Variants in MASP2 observed in about 807,000 individuals in gnomAD.
The protein encoded by MASP2 is MBL associated serine protease 2, also known as mannan-binding lectin serine protease 2.
MASP2 carries 49 observed loss-of-function variants against 57.1 expected under a neutral mutation model. The ratio of observed to expected loss-of-function variants is 0.86; its 90% confidence interval spans 0.68 to 1.09. MASP2 has a LOEUF of 1.09. Among genes scored for constraint, MASP2 ranks in the 50% least tolerant of loss-of-function variants. MASP2 has a pLI of 0.00. For synonymous variants in MASP2, 379 were observed against 340.8 expected (o/e 1.11, Z -1.24); for missense variants, 900 against 874.8 (o/e 1.03, Z -0.36).
chr1:11,046,461 G>T, intron 3 of MASP2, 95 bp downstream of exon 3: 1 of 1,413,458 alleles, frequency 7.1e-7, no homozygotes, highest in Non-Finnish European at 9.9e-7. Flanking sequence ...TGGGAAAGGT[G>T]GGGAAACTGA....
chr1:11,028,818 A>G (rs1366763989), intron 10 of MASP2, among the ~76,000 whole-genome samples: 2 of 148,220 alleles, frequency 1.3e-5, no homozygotes, highest in Non-Finnish European at 3.0e-5. Context: ...GGTTCATGCC[A>G]TTCTCCTGCC....
At chr1:11,034,279 A>G (rs1643873026) in intron 8 of MASP2, among the ~76,000 whole-genome samples, 1 of 149,114 alleles carries the variant, frequency 6.7e-6, no homozygotes, top group South Asian at 2.1e-4. Context: ...CAAAGAACAT[A>G]TTTTTCTAAA....
intron 10 of MASP2, among the ~76,000 whole-genome samples, chr1:11,029,139 C>G (rs1643796247): frequency 6.7e-6 from 1 of 148,330 alleles, no homozygotes; most frequent in Admixed American, 6.8e-5. Context: ...ACTACAGGCG[C>G]CTGCCACCAC....
intron 7 of MASP2, among the ~76,000 whole-genome samples, chr1:11,035,894 C>CA (rs61214689): frequency 2.8e-4 from 27 of 96,194 alleles, no homozygotes; most frequent in Non-Finnish European, 3.6e-4. Flanking sequence ...AGACCCTGTC[C>CA]AAAAAAAAAA....
At chr1:11,044,224 A>G (rs2100903628) in intron 4 of MASP2, among the ~76,000 whole-genome samples, 1 of 152,218 alleles carries the variant, frequency 6.6e-6, no homozygotes. Flanking sequence ...TCAAGGCAAC[A>G]GTGATCATGA....
At chr1:11,028,535 A>T (rs1355017891) in intron 10 of MASP2, among the ~76,000 whole-genome samples, 1 of 152,074 alleles carries the variant, frequency 6.6e-6, no homozygotes, top group African/African-American at 2.4e-5. Context: ...TTGTATCTTT[A>T]TTGCAAATTA....
In MASP2 at chr1:11,027,087, C is replaced by A; in HGVS notation, c.1859G>T (p.Gly620Val). 6.2e-7 allele frequency: 1 copy of A among 1,600,392 alleles called. No individual in the cohort carries two copies. Among genetic ancestry groups the A allele is most frequent in the Admixed American group, 1.7e-5 (1 of 58,766 alleles). ...GCTGTCCTTGCCCCCACTTTCTAAG[C>A]CAGCACAAAGCATGTTAGCAGTTAC... The part of the protein sequence containing the change: ...GSVTANMLCA[G>V]LESGGKDSCR... The change falls in exon 11 of 11, where the codon GGC becomes GTC. Residue 620 changes from glycine (G) to valine (V), a missense_variant. Gly to Val is a moderately radical substitution (Grantham distance 109, BLOSUM62 -3). Coordinates refer to ENST00000400897, the MANE Select transcript of MASP2 (RefSeq NM_006610.4).
intron 10 of MASP2, chr1:11,029,651 T>TG (rs1643808364): frequency 6.9e-6 from 1 of 143,928 alleles, no homozygotes; most frequent in Admixed American, 7.1e-5. Flanking sequence ...TTTTTTTTTT[T>TG]TTTTTTGGAT....
intron 7 of MASP2, among the ~76,000 whole-genome samples, chr1:11,035,712 T>C (rs1218468440): frequency 6.6e-6 from 1 of 151,164 alleles, no homozygotes; most frequent in Non-Finnish European, 1.5e-5. Context: ...CTGGGCAACA[T>C]AGTGAGACCC....
At chr1:11,032,605 C>T (rs948578489) in intron 8 of MASP2, among the ~76,000 whole-genome samples, 12 of 140,300 alleles carry the variant, frequency 8.6e-5, no homozygotes, top group Non-Finnish European at 1.4e-4. Context: ...AATGAGACCC[C>T]GTCAAAAAAA....
intron 7 of MASP2, among the ~76,000 whole-genome samples, chr1:11,036,057 C>CATCA (rs1643883938): frequency 6.6e-6 from 1 of 152,162 alleles, no homozygotes; most frequent in South Asian, 2.1e-4. Context: ...GTGTGCTGTC[C>CATCA]ATCAGCTTTC....
intron 7 of MASP2, among the ~76,000 whole-genome samples, chr1:11,037,325 G>A (rs1226540119): frequency 1.3e-5 from 2 of 152,110 alleles, no homozygotes; most frequent in Admixed American, 1.3e-4. Flanking sequence ...CTGGCCTCAA[G>A]TGATCTGCCT....
rs1570735177 is a variant in MASP2 at position 11,029,153 on chromosome 1, A to T, written c.1297+1023T>A. Among the ~76,000 whole-genome samples the T allele has an allele frequency of 4.3e-5, 5 of 115,836 alleles. No individual in the cohort carries two copies. In the South Asian group the frequency reaches 1.1e-3, roughly 25 times the overall value. 76.0% of individuals were successfully genotyped at this position (115,836 alleles called of 152,430 possible). ...GACTACAGGCGCCTGCCACCACACC[A>T]GGCTAATTTTTTGTATTTTTTTTTT... On this transcript the variant is annotated intron_variant, in intron 10 of 10. Coordinates refer to ENST00000400897, the MANE Select transcript of MASP2 (RefSeq NM_006610.4).
chr1:11,034,313 G>A (rs1271641768), intron 8 of MASP2, among the ~76,000 whole-genome samples: 1 of 150,964 alleles, frequency 6.6e-6, no homozygotes, highest in Admixed American at 6.6e-5. Context: ...CTAGTAGGTT[G>A]GTTCTGTTTT....
chr1:11,034,574 T>C (rs1257491615), intron 8 of MASP2, among the ~76,000 whole-genome samples: 1 of 151,476 alleles, frequency 6.6e-6, no homozygotes, highest in African/African-American at 2.4e-5. Flanking sequence ...GTCAGGTGCC[T>C]GTGGTCCCAG....
In MASP2 at chr1:11,027,515, C is replaced by A. The variant is rs1643759081; in HGVS notation, c.1431G>T (p.Trp477Cys). Residue 477 changes from tryptophan to cysteine, a missense_variant, in exon 11 of 11, where the codon TGG becomes TGT. By Grantham distance (215) the Trp-to-Cys change is radical (BLOSUM62 -2). Transcript: ENST00000400897. ...TAAGALLYDNWVLTAAHAVYE... is the reference protein window; with the variant it reads ...TAAGALLYDNCVLTAAHAVYE... ...AGACGGCATGAGCAGCTGTTAGGAC[C>A]CAGTTGTCATATAAAAGTGCACCTG... 1 of 1,613,952 alleles carries A rather than the reference C, an allele frequency of 6.2e-7. No individual in the cohort carries two copies. The highest frequency in any genetic ancestry group is 1.3e-5 in the African/African-American group (1 of 74,876).
intron 5 of MASP2, 33 bp from the exon 6 acceptor site, chr1:11,043,055 G>A (rs762684329): frequency 1.2e-6 from 2 of 1,610,234 alleles, no homozygotes; most frequent in Non-Finnish European, 1.7e-6. Flanking sequence ...CTGGGGAGCA[G>A]CTGCCTGGGT....
chr1:11,031,981 T>A (rs1027438852), intron 8 of MASP2, among the ~76,000 whole-genome samples: 1 of 152,090 alleles, frequency 6.6e-6, no homozygotes, highest in Non-Finnish European at 1.5e-5. Flanking sequence ...CTGGAAGTCT[T>A]TCTAAAGCTC....
chr1:11,046,798 C>T (rs750818016), intron 2 of MASP2, 65 bp from the exon 3 acceptor site: 2 of 1,562,408 alleles, frequency 1.3e-6, no homozygotes, highest in East Asian at 4.6e-5. Flanking sequence ...CCTGGCCAAG[C>T]CTGGCCCCTG....
Sources: allele counts gnomAD v4.1 joint callset (sites outside exome capture counted in the v4.1 genomes callset), GRCh38; gene constraint gnomAD v4.1.1; transcripts MANE v1.5; gene names NCBI Gene and HGNC (gene_info 2026-07-23, HGNC 2026-07-21).